TRPS1: variants seen among roughly 807,000 people sequenced by gnomAD.
The protein encoded by TRPS1 is transcriptional repressor GATA binding 1, also known as zinc finger transcription factor Trps1.
In TRPS1, 6 loss-of-function variants were observed where a neutral mutation model predicts 101.2. That is an observed-to-expected ratio of 0.06 (90% CI 0.03 to 0.12). The LOEUF is 0.12. Among genes scored for constraint, TRPS1 ranks in the 10% least tolerant of loss-of-function variants. TRPS1 has a pLI of 1.00. For synonymous variants in TRPS1, 578 were observed against 589.8 expected (o/e 0.98, Z 0.29); for missense variants, 1,363 against 1,567.0 (o/e 0.87, Z 2.20).
chr8:115,611,723 T>C (rs746367100), intron 3 of TRPS1, among the ~76,000 whole-genome samples: 2 of 152,138 alleles, frequency 1.3e-5, no homozygotes, highest in Non-Finnish European at 1.5e-5. Flanking sequence ...AGTAAGACAA[T>C]GCAAGCTGCT....
chr8:115,611,048 C>T (rs1432640963), intron 3 of TRPS1, among the ~76,000 whole-genome samples: 4 of 146,146 alleles, frequency 2.7e-5, no homozygotes, highest in Non-Finnish European at 4.5e-5. Context: ...GCCTGGGGGG[C>T]GGAGGTTGCA....
chr8:115,555,728 G>A (rs1816802422), intron 5 of TRPS1, among the ~76,000 whole-genome samples: 1 of 152,152 alleles, frequency 6.6e-6, no homozygotes, highest in Non-Finnish European at 1.5e-5. Context: ...AAGACTAGCA[G>A]GGCACAGTGG....
Position 115,604,103 on chromosome 8 carries a change from G to A in TRPS1, c.1866C>T (p.Ser622=), listed in dbSNP as rs374259421. Residue 622 remains serine (S), a synonymous_variant, in exon 4 of 7, where the codon AGC becomes AGT. Transcript: ENST00000395715. The surrounding 1 kb of genome is among the most constrained non-coding windows in gnomAD (Gnocchi z 4.1). The part of the protein sequence containing the change: ...LLHLSPGAAG[S]SRVKHQCHQC... ...GATGGCACTGATGTTTGACTCGCGA[G>A]CTTCCAGCCGCCCCAGGAGACAAGT... is the stretch of plus-strand genomic sequence containing the variant. 4 of 1,613,972 alleles carry A rather than the reference G, an allele frequency of 2.5e-6. No homozygotes were observed. The African/African-American group carries it at 5.3e-5, about 22-fold the overall frequency.
intron 5 of TRPS1, among the ~76,000 whole-genome samples, chr8:115,538,034 A>C (rs985037857): frequency 6.6e-6 from 1 of 152,216 alleles, no homozygotes; most frequent in Non-Finnish European, 1.5e-5. Flanking sequence ...TACTTAACTT[A>C]GTGGTACAAA....
At chr8:115,466,430 A>G (rs1290149265) in intron 5 of TRPS1, among the ~76,000 whole-genome samples, 1 of 152,220 alleles carries the variant, frequency 6.6e-6, no homozygotes, top group East Asian at 1.9e-4. Flanking sequence ...CCCTAAATGT[A>G]GAGAGAGCTT....
intron 5 of TRPS1, among the ~76,000 whole-genome samples, chr8:115,533,439 T>TTTTTTTTTTTG (rs1563580647): frequency 9.4e-5 from 11 of 116,684 alleles, no homozygotes; most frequent in African/African-American, 3.5e-4. Flanking sequence ...GTAATCTGTT[T>TTTTTTTTTTTG]TTTTTTTTTT....
At chr8:115,516,644 C>A (rs919779537) in intron 5 of TRPS1, among the ~76,000 whole-genome samples, 1 of 151,598 alleles carries the variant, frequency 6.6e-6, no homozygotes, top group Admixed American at 6.6e-5. Flanking sequence ...AAGGATGACA[C>A]ATTGGCTTGT....
intron 5 of TRPS1, among the ~76,000 whole-genome samples, chr8:115,455,669 G>A (rs908909437): frequency 6.6e-6 from 1 of 151,968 alleles, no homozygotes; most frequent in African/African-American, 2.4e-5. Flanking sequence ...CTAGTAAGAG[G>A]CCACAACTGG....
At chr8:115,618,422 A>G (rs1426189082) in intron 3 of TRPS1, among the ~76,000 whole-genome samples, 1 of 152,202 alleles carries the variant, frequency 6.6e-6, no homozygotes, top group Non-Finnish European at 1.5e-5. Context: ...ACAGAAAGAT[A>G]GAACAAAAAG....
In TRPS1 at chr8:115,443,112, G is replaced by GA. The variant is rs978201283; in HGVS notation, c.2701-24661dup. ...CTCCATCTCAAAAAAAAAGAAAAAG[G>GA]AAAAAAAAATAGCTGGACGTGGTGG... is the stretch of plus-strand genomic sequence containing the variant. On this transcript the variant is annotated intron_variant, in intron 5 of 6. Transcript: ENST00000395715. Among the ~76,000 whole-genome samples the GA allele has an allele frequency of 7.4e-5, 11 of 148,510 alleles. No individual in the cohort carries two copies. In the East Asian group the frequency reaches 1.2e-3, roughly 16 times the overall value.
At chr8:115,568,211 T>G (rs896943805) in intron 5 of TRPS1, among the ~76,000 whole-genome samples, 1 of 152,030 alleles carries the variant, frequency 6.6e-6, no homozygotes, top group African/African-American at 2.4e-5. Context: ...TATATAAGAA[T>G]GAACAATTAA....
At chr8:115,617,404 C>T (rs1818297349) in intron 3 of TRPS1, among the ~76,000 whole-genome samples, 1 of 152,128 alleles carries the variant, frequency 6.6e-6, no homozygotes, top group African/African-American at 2.4e-5. Flanking sequence ...GCTCCTTCTA[C>T]CCAAACATAA....
In TRPS1 at chr8:115,619,982, G is replaced by C. The variant is rs1174609935; in HGVS notation, c.116C>G (p.Thr39Arg). 6.2e-7 allele frequency: 1 copy of C among 1,614,112 alleles called. No homozygotes were observed. The highest frequency in any genetic ancestry group is 8.5e-7 in the Non-Finnish European group (1 of 1,180,032). The change falls in exon 3 of 7, where the codon ACA (threonine) becomes AGA (arginine). Residue 39 changes from threonine to arginine, a missense_variant. Physicochemically the swap from Thr to Arg is moderately conservative, Grantham distance 71 (BLOSUM62 -1). This residue lies in a region of TRPS1 where 1,020 missense variants were observed against 1,073.0 expected (regional missense o/e 0.95). Coordinates refer to ENST00000395715, the MANE Select transcript of TRPS1 (RefSeq NM_014112.5). ...GTTCTTTCCAGATACCTTGCTTTCT[G>C]TACCTATAGGCTCCAGGATCTGGCC... The part of the protein sequence containing the change: ...GEGQILEPIG[T>R]ESKVSGKNKE...
At chr8:115,544,859 GAGA>G (rs1398582618) in intron 5 of TRPS1, among the ~76,000 whole-genome samples, 1 of 148,964 alleles carries the variant, frequency 6.7e-6, no homozygotes, top group East Asian at 2.0e-4. Context: ...GGAGAAGGAG[GAGA>G]AGAAGGTGGA....
chr8:115,557,692 C>T (rs909922724), intron 5 of TRPS1, among the ~76,000 whole-genome samples: 2 of 152,140 alleles, frequency 1.3e-5, no homozygotes, highest in African/African-American at 4.8e-5. Context: ...TCAATGACAC[C>T]TCTTTCCTTT....
intron 5 of TRPS1, among the ~76,000 whole-genome samples, chr8:115,434,230 G>A (rs1447515542): frequency 2.0e-5 from 3 of 152,128 alleles, no homozygotes; most frequent in Non-Finnish European, 4.4e-5. Context: ...TCTATTGGTA[G>A]TCTGAGATAT....
intron 5 of TRPS1, among the ~76,000 whole-genome samples, chr8:115,448,183 C>A (rs910748896): frequency 6.6e-6 from 1 of 152,170 alleles, no homozygotes; most frequent in Admixed American, 6.5e-5. Flanking sequence ...AGGAAGACTG[C>A]AAACAGACAT....
intron 5 of TRPS1, among the ~76,000 whole-genome samples, chr8:115,436,232 A>G (rs1162706932): frequency 1.3e-5 from 2 of 152,148 alleles, no homozygotes; most frequent in East Asian, 3.8e-4. Context: ...CTTTAGGCAT[A>G]TTTTGGCCGG....
intron 5 of TRPS1, among the ~76,000 whole-genome samples, chr8:115,474,986 C>T (rs1039535677): frequency 1.6e-4 from 25 of 151,896 alleles, no homozygotes; most frequent in Non-Finnish European, 3.5e-4. Flanking sequence ...AATGAACTTT[C>T]TTTCTTCCTG....
Sources: allele counts gnomAD v4.1 joint callset (sites outside exome capture counted in the v4.1 genomes callset), GRCh38; gene constraint gnomAD v4.1.1; regional missense constraint gnomAD v4.1.1; non-coding constraint Gnocchi (gnomAD v3.1); transcripts MANE v1.5; gene names NCBI Gene and HGNC (gene_info 2026-07-23, HGNC 2026-07-21).